The following ADAP2 variants were observed in gnomAD, a reference collection of about 807,000 sequenced individuals.
ADAP2 encodes arf-GAP with dual PH domain-containing protein 2.
A neutral mutation model predicts 54.9 loss-of-function variants in ADAP2; 42 were observed. That is an observed-to-expected ratio of 0.77 (90% CI 0.60 to 0.99). The LOEUF is 0.99. Among genes scored for constraint, ADAP2 ranks in the 50% least tolerant of loss-of-function variants. The pLI is 0.00. For missense variants in ADAP2, 429 were observed against 480.4 expected (o/e 0.89, Z 1.00); for synonymous variants, 177 against 180.1 (o/e 0.98, Z 0.14).
chr17:30,926,786 T>C, intron 2 of ADAP2, 41 bp from the exon 3 acceptor site: 1 of 1,582,648 alleles, frequency 6.3e-7, no homozygotes, highest in Non-Finnish European at 8.7e-7. Context: ...TTCACGTTTT[T>C]TCAAGTTCTA....
At chr17:30,938,444 C>T (rs1044917495) in intron 5 of ADAP2, among the ~76,000 whole-genome samples, 35 of 152,172 alleles carry the variant, frequency 2.3e-4, no homozygotes, top group African/African-American at 8.2e-4. Flanking sequence ...ATGCAACAAG[C>T]CCTGATTCAA....
chr17:30,942,043 C>T (rs1598043101), intron 5 of ADAP2, among the ~76,000 whole-genome samples: 1 of 151,938 alleles, frequency 6.6e-6, no homozygotes, highest in African/African-American at 2.4e-5. Context: ...GTAGCTGGGA[C>T]TACAGGTGTG....
At chr17:30,927,597 AC>A (rs915115606) in intron 3 of ADAP2, among the ~76,000 whole-genome samples, 3 of 150,630 alleles carry the variant, frequency 2.0e-5, no homozygotes, top group African/African-American at 7.4e-5. Context: ...CCTGGGCAAC[AC>A]AGCGAGACTC....
Position 30,934,297 on chromosome 17 carries a change from G to C in ADAP2, c.510G>C (p.Gln170His), listed in dbSNP as rs750896710. Residue 170 changes from glutamine to histidine, a missense_variant and splice_region_variant, in exon 5 of 11, where the codon CAG (glutamine) becomes CAC (histidine). Coordinates refer to ENST00000330889, the MANE Select transcript of ADAP2 (RefSeq NM_018404.3). ...TCCTGAAGTACTTCACAAAGGAACA[G>C]GTAAGATGCCAGACCAATGAGAGCA... is the stretch of plus-strand genomic sequence containing the variant. ...EGLLKYFTKE[Q>H]GKSPKAVISI... The C allele has an allele frequency of 6.8e-6, 11 of 1,608,620 alleles. No homozygotes were observed. The highest frequency in any genetic ancestry group is 9.4e-6 in the Non-Finnish European group (11 of 1,175,284).
At position 30,925,210 on chromosome 17, in the gene ADAP2, C is replaced by T. The variant is rs1301344880; in HGVS notation, c.226-1617C>T. On this transcript the variant is annotated intron_variant, in intron 2 of 10. Coordinates refer to ENST00000330889, the MANE Select transcript of ADAP2 (RefSeq NM_018404.3). ...TTTTTTTTTTTTTTTTTTTGAGATG[C>T]AGTCTCACTCTGTCACCCAGCCTGG... is the stretch of plus-strand genomic sequence containing the variant. 6.2e-5 allele frequency among the ~76,000 whole-genome samples: 7 copies of T among 112,542 alleles called. 1 individual carries two copies. The East Asian group carries it at 7.0e-4, about 11-fold the overall frequency. The allele number at this position is 112,542 out of a possible 152,430, so 73.8% of individuals were successfully genotyped here.
intron 10 of ADAP2, 65 bp from the exon 11 acceptor site, chr17:30,957,770 C>T (rs1905178582): frequency 6.5e-7 from 1 of 1,532,112 alleles, no homozygotes; most frequent in Non-Finnish European, 9.0e-7. Flanking sequence ...CCTTTGCTGT[C>T]CCTCTCCTCC....
At chr17:30,947,735 A>G (rs540073395) in intron 6 of ADAP2, among the ~76,000 whole-genome samples, 24 of 152,340 alleles carry the variant, frequency 1.6e-4, no homozygotes, top group African/African-American at 5.8e-4. Flanking sequence ...TGAGAGAGAA[A>G]GAGAAATGGT....
intron 6 of ADAP2, among the ~76,000 whole-genome samples, chr17:30,947,476 CTT>C (rs1482785371): frequency 2.0e-5 from 3 of 152,180 alleles, no homozygotes; most frequent in Non-Finnish European, 4.4e-5. Context: ...GCCTCAGCCT[CTT>C]GAGTAGCTGA....
intron 6 of ADAP2, among the ~76,000 whole-genome samples, chr17:30,945,949 C>G (rs780153230): frequency 6.0e-5 from 9 of 150,294 alleles, no homozygotes; most frequent in Admixed American, 2.0e-4. Context: ...GTCAGGAGAT[C>G]GAGACCATGC....
intron 5 of ADAP2, among the ~76,000 whole-genome samples, chr17:30,942,678 C>T (rs1277378854): frequency 6.6e-6 from 1 of 152,168 alleles, no homozygotes; most frequent in East Asian, 1.9e-4. Context: ...TGGTGTATCT[C>T]AGCATGGGTA....
rs1905251724 is a variant in ADAP2, at chr17:30,958,784, G to C, written c.*915G>C. On this transcript the variant is annotated 3_prime_UTR_variant, in exon 11 of 11. Coordinates refer to ENST00000330889, the MANE Select transcript of ADAP2 (RefSeq NM_018404.3). ...AATGCCTGTAGTCCCAGCTACTCCG[G>C]ACACTGATGTGAGAGGATCACTTGA... The C allele has an allele frequency of 6.6e-6, 1 of 152,016 alleles. No individual in the cohort carries two copies. Among genetic ancestry groups the C allele is most frequent in the Non-Finnish European group, 1.5e-5 (1 of 68,078 alleles). The allele number at this position is 152,016 out of a possible 1,614,324, so 9.4% of individuals were successfully genotyped here.
chr17:30,931,735 C>T (rs1384473640), intron 3 of ADAP2, among the ~76,000 whole-genome samples, 154 bp from the exon 4 acceptor site: 4 of 151,382 alleles, frequency 2.6e-5, no homozygotes, highest in Non-Finnish European at 5.9e-5. Flanking sequence ...ATGGGAGGAT[C>T]GCCTGGGCCT....
At chr17:30,945,437 G>A (rs1028662477) in intron 6 of ADAP2, among the ~76,000 whole-genome samples, 2 of 152,112 alleles carry the variant, frequency 1.3e-5, no homozygotes, top group Non-Finnish European at 2.9e-5. Context: ...TGTGGTCCTG[G>A]CCCAACAGCA....
intron 5 of ADAP2, among the ~76,000 whole-genome samples, chr17:30,940,450 G>A (rs185171041): frequency 1.4e-4 from 22 of 152,174 alleles, no homozygotes; most frequent in Admixed American, 5.9e-4. Flanking sequence ...GATTACAGGC[G>A]TTGGCCACCA....
At position 30,958,061 on chromosome 17, in the gene ADAP2, G is replaced by T. The variant is rs1905197515; in HGVS notation, c.*192G>T. 1.9e-5 allele frequency: 12 copies of T among 618,982 alleles called. No homozygotes were observed. In the Admixed American group the frequency reaches 3.0e-4, roughly 16 times the overall value. The allele number at this position is 618,982 out of a possible 1,614,324, so 38.3% of individuals were successfully genotyped here. A position where few individuals can be genotyped will look rare whatever the true frequency, so the allele number is the denominator to read the frequency against. Reference sequence around the variant, plus strand: ...GGCCTTCCCCGCAACCCACCTCGGGGATCTGAGGATCTGGTGCATAGATGA... The same window carrying T: ...GGCCTTCCCCGCAACCCACCTCGGGTATCTGAGGATCTGGTGCATAGATGA... On this transcript the variant is annotated 3_prime_UTR_variant, in exon 11 of 11. Coordinates refer to ENST00000330889, the MANE Select transcript of ADAP2 (RefSeq NM_018404.3).
intron 10 of ADAP2, among the ~76,000 whole-genome samples, chr17:30,957,364 C>T (rs976108440): frequency 2.0e-5 from 3 of 151,922 alleles, no homozygotes; most frequent in South Asian, 2.1e-4. Context: ...TTCCCTCTGA[C>T]GCCCTGGCTC....
intron 3 of ADAP2, among the ~76,000 whole-genome samples, chr17:30,928,427 T>TGGAGGTTGC (rs1410737620): frequency 1.3e-5 from 2 of 151,786 alleles, no homozygotes; most frequent in East Asian, 3.9e-4. Context: ...ACCCGAGAGG[T>TGGAGGTTGC]GGAGGTTGCA....
intron 10 of ADAP2, 96 bp from the exon 11 acceptor site, chr17:30,957,739 C>T: frequency 3.9e-6 from 5 of 1,279,110 alleles, no homozygotes; most frequent in Non-Finnish European, 5.6e-6. Flanking sequence ...CCATGGCTCC[C>T]TCTGTCTTTG....
chr17:30,945,699 T>C (rs375522592), intron 6 of ADAP2, among the ~76,000 whole-genome samples: 8 of 151,772 alleles, frequency 5.3e-5, no homozygotes, highest in African/African-American at 1.9e-4. Flanking sequence ...GAGGCTGCAG[T>C]GAGCCATGAT....
Sources: gnomAD v4.1 joint callset for allele counts (sites outside exome capture counted in the v4.1 genomes callset) on GRCh38, gnomAD v4.1.1 for gene constraint, MANE v1.5 for transcripts, NCBI Gene and HGNC (gene_info 2026-07-23, HGNC 2026-07-21) for gene names.